SLC24A2: variants seen among roughly 807,000 people sequenced by gnomAD.
SLC24A2 encodes the protein solute carrier family 24 member 2.
Under a neutral mutation model 62.0 loss-of-function variants are expected in SLC24A2, and 36 were observed. The ratio of observed to expected loss-of-function variants is 0.58; its 90% confidence interval spans 0.44 to 0.77. The LOEUF is 0.77. Ranked by LOEUF, SLC24A2 falls within the 30% of genes least tolerant of loss-of-function variation. SLC24A2 has a pLI of 0.00. For missense variants in SLC24A2, 846 were observed against 817.9 expected, an observed-to-expected ratio of 1.03 and a Z score of -0.42; for synonymous variants, 358 against 294.0, an observed-to-expected ratio of 1.22 and a Z score of -2.23.
At chr9:19,810,774 A>G in the SLC24A2 span, among the ~76,000 whole-genome samples, 1 of 152,316 alleles carries the variant, frequency 6.6e-6, no homozygotes, top group East Asian at 1.9e-4. Flanking sequence ...AAAACTATGT[A>G]ATAACCAATA....
chr9:20,222,555 G>C, the SLC24A2 span, among the ~76,000 whole-genome samples: 1 of 151,922 alleles, frequency 6.6e-6, no homozygotes, highest in African/African-American at 2.4e-5. Flanking sequence ...TAGACAAACT[G>C]TTAAAAGAAA....
chr9:19,524,970 A>G (rs1013529284), intron 9 of SLC24A2, among the ~76,000 whole-genome samples: 4 of 152,196 alleles, frequency 2.6e-5, no homozygotes, highest in African/African-American at 7.2e-5. Flanking sequence ...ATAGAAGATG[A>G]TTATTAAGAA....
At chr9:20,154,715 G>C in the SLC24A2 span, among the ~76,000 whole-genome samples, 1 of 151,280 alleles carries the variant, frequency 6.6e-6, no homozygotes, top group South Asian at 2.1e-4. Flanking sequence ...CAGAATATAA[G>C]ATTAAAACTG....
At chr9:19,959,488 T>G in the SLC24A2 span, among the ~76,000 whole-genome samples, 1 of 152,210 alleles carries the variant, frequency 6.6e-6, no homozygotes, top group Admixed American at 6.5e-5. Context: ...AACCCAACCT[T>G]TAGCAGTGTC....
the SLC24A2 span, among the ~76,000 whole-genome samples, chr9:19,922,499 C>T: frequency 3.3e-4 from 51 of 152,314 alleles, no homozygotes; most frequent in East Asian, 7.3e-3. Context: ...GTTTTACCTT[C>T]CATGGGATTA....
chr9:20,245,654 T>A, the SLC24A2 span, among the ~76,000 whole-genome samples: 1 of 152,126 alleles, frequency 6.6e-6, no homozygotes, highest in Admixed American at 6.5e-5. Context: ...GTCAAGCGAA[T>A]TGAGATTTTT....
At chr9:19,612,496 C>T (rs1055517243) in intron 4 of SLC24A2, among the ~76,000 whole-genome samples, 3 of 152,092 alleles carry the variant, frequency 2.0e-5, no homozygotes, top group Admixed American at 6.5e-5. Context: ...AGCTCGCATA[C>T]TATTAAAACA....
the SLC24A2 span, among the ~76,000 whole-genome samples, chr9:19,853,808 T>C: frequency 6.6e-6 from 1 of 152,240 alleles, no homozygotes; most frequent in Non-Finnish European, 1.5e-5. Flanking sequence ...ATCAGGATGA[T>C]GCTGGTCTCA....
the SLC24A2 span, among the ~76,000 whole-genome samples, chr9:20,182,020 T>C: frequency 1.3e-5 from 2 of 152,196 alleles, no homozygotes; most frequent in South Asian, 2.1e-4. Flanking sequence ...AACAGACATA[T>C]GAAAAAATGC....
At chr9:19,569,343 C>G (rs1835773702) in intron 7 of SLC24A2, among the ~76,000 whole-genome samples, 1 of 152,164 alleles carries the variant, frequency 6.6e-6, no homozygotes, top group African/African-American at 2.4e-5. Flanking sequence ...CTCCCTTTGT[C>G]TAGTAATTTT....
chr9:20,256,943 C>A, the SLC24A2 span, among the ~76,000 whole-genome samples: 12 of 104,502 alleles, frequency 1.1e-4, no homozygotes, highest in African/African-American at 3.5e-4. Flanking sequence ...CACACACACA[C>A]ACACACTTGC....
In SLC24A2 at chr9:19,511,608, G is replaced by A. The variant is rs1832719214; in HGVS notation, c.*4545C>T. 6.6e-6 allele frequency: 1 copy of A among 152,066 alleles called. No individual in the cohort carries two copies. The highest frequency in any genetic ancestry group is 2.4e-5 in the African/African-American group (1 of 41,376). 9.4% of individuals were successfully genotyped at this position (152,066 alleles called of 1,614,324 possible). On this transcript the variant is annotated 3_prime_UTR_variant, in exon 11 of 11. Transcript: ENST00000341998. ...TTACCTAATAATTGAAGACAGTATT[G>A]TTGAGACAGGTATAGGGGTTGAGGA...
chr9:19,873,899 A>T, the SLC24A2 span, among the ~76,000 whole-genome samples: 1 of 152,174 alleles, frequency 6.6e-6, no homozygotes, highest in Non-Finnish European at 1.5e-5. Flanking sequence ...TTCTAAAAAC[A>T]ACACTTATTG....
intron 8 of SLC24A2, among the ~76,000 whole-genome samples, chr9:19,541,880 T>G (rs1275589804): frequency 2.0e-5 from 3 of 152,056 alleles, no homozygotes; most frequent in African/African-American, 7.2e-5. Flanking sequence ...TAGGACCCTC[T>G]GAGCCAGGTG....
At chr9:20,058,200 G>C in the SLC24A2 span, among the ~76,000 whole-genome samples, 1 of 152,118 alleles carries the variant, frequency 6.6e-6, no homozygotes, top group Non-Finnish European at 1.5e-5. Context: ...TTTGGCTGTG[G>C]AGTACAAAAA....
the SLC24A2 span, among the ~76,000 whole-genome samples, chr9:19,906,004 C>T: frequency 6.6e-5 from 10 of 152,110 alleles, no homozygotes; most frequent in Non-Finnish European, 1.5e-4. Context: ...AACTCTCCAC[C>T]CCAAATCAAC....
In SLC24A2 at chr9:19,599,952, G is replaced by T. The variant is rs1836800213; in HGVS notation, c.1079-2673C>A. Among the ~76,000 whole-genome samples, 2 of 152,144 alleles carry T rather than the reference G, an allele frequency of 1.3e-5. No individual in the cohort carries two copies. The highest frequency in any genetic ancestry group is 4.8e-5 in the African/African-American group (2 of 41,436). On this transcript the variant is annotated intron_variant, in intron 4 of 10. Coordinates refer to ENST00000341998, the MANE Select transcript of SLC24A2 (RefSeq NM_020344.4). This position sits in a 1 kb window ranked among gnomAD's most constrained non-coding sequence, Gnocchi z 4.5. The stretch of plus-strand genomic sequence containing the variant: ...CATAATTGGATTAGGATTCAAACTG[G>T]GGCTAATCCAAGGTTAGTTTTTTTG...
the SLC24A2 span, among the ~76,000 whole-genome samples, chr9:20,094,589 A>G: frequency 1.3e-5 from 2 of 152,238 alleles, no homozygotes; most frequent in Non-Finnish European, 2.9e-5. Context: ...ATAGCAAAAA[A>G]GAAAAATCAC....
chr9:19,583,084 C>T (rs567733533), intron 5 of SLC24A2, among the ~76,000 whole-genome samples: 14 of 152,228 alleles, frequency 9.2e-5, no homozygotes, highest in Middle Eastern at 3.4e-3. Flanking sequence ...CAGTGGGTCC[C>T]TAGGTCAAAG....
Sources: gnomAD v4.1 joint callset for allele counts (sites outside exome capture counted in the v4.1 genomes callset) on GRCh38, gnomAD v4.1.1 for gene constraint, Gnocchi (gnomAD v3.1) non-coding constraint, MANE v1.5 for transcripts, NCBI Gene and HGNC (gene_info 2026-07-23, HGNC 2026-07-21) for gene names.